The following DUSP7 variants were observed in gnomAD, a reference collection of about 807,000 sequenced individuals.
The protein encoded by DUSP7 is dual specificity protein phosphatase 7.
A neutral mutation model predicts 29.8 loss-of-function variants in DUSP7; 7 were observed. That is an observed-to-expected ratio of 0.24 (90% CI 0.13 to 0.44). The LOEUF (loss-of-function observed/expected upper bound fraction) is 0.44, where lower values mean the gene tolerates loss of function less well. Ranked by LOEUF, DUSP7 falls within the 20% of genes least tolerant of loss-of-function variation. The probability of loss-of-function intolerance (pLI) is 1.00; values close to 1 mark genes in which losing one functional copy is unlikely to be tolerated. For missense variants in DUSP7, 400 were observed against 583.7 expected (o/e 0.69, Z 3.24); for synonymous variants, 287 against 275.4 (o/e 1.04, Z -0.42).
chr3:52,050,803 G>T lies in DUSP7; in HGVS notation c.*12C>A, dbSNP rs751319030. The T allele has an allele frequency of 6.2e-7, 1 of 1,603,708 alleles. No individual in the cohort carries two copies. Among genetic ancestry groups the T allele is most frequent in the East Asian group, 2.2e-5 (1 of 44,642 alleles). On this transcript the variant is annotated 3_prime_UTR_variant, in exon 3 of 3. Coordinates refer to ENST00000495880, the MANE Select transcript of DUSP7 (RefSeq NM_001947.4). The surrounding 1 kb of genome is among the most constrained non-coding windows in gnomAD (Gnocchi z 5.0). ...GCAGGGGCCTGGTGCCATGCCCCCCGTGCACCAGGCCTCACGTGGACTCCA... is the reference window on the plus strand; with the variant it reads ...GCAGGGGCCTGGTGCCATGCCCCCCTTGCACCAGGCCTCACGTGGACTCCA...
Position 52,053,730 on chromosome 3 carries a change from G to GA in DUSP7, c.952+209dup. 3 of 595,500 alleles carry GA rather than the reference G, an allele frequency of 5.0e-6. No individual in the cohort carries two copies. The highest frequency in any genetic ancestry group is 8.9e-6 in the Non-Finnish European group (3 of 336,764). 36.9% of individuals were successfully genotyped at this position (595,500 alleles called of 1,614,324 possible). A position where few individuals can be genotyped will look rare whatever the true frequency, so the allele number is the denominator to read the frequency against. On this transcript the variant is annotated intron_variant, in intron 2 of 2. Transcript: ENST00000495880. This position sits in a 1 kb window ranked among gnomAD's most constrained non-coding sequence, Gnocchi z 4.6. ...CAGCTAGGGGGAGCTCAGGACTCAG[G>GA]AGACTGCTCAGGCCCCAACAGGTAG...
rs1263922901 is a variant in DUSP7 at position 52,056,457 on chromosome 3, C to T, written c.-91G>A. ...CGGGCCCCAGCCGCGTCTCCGGGCG[C>T]CCGCCTCCCGCCGAGCTGCGCGCCC... On this transcript the variant is annotated 5_prime_UTR_variant, in exon 1 of 3. Coordinates refer to ENST00000495880, the MANE Select transcript of DUSP7 (RefSeq NM_001947.4). This position sits in a 1 kb window ranked among gnomAD's most constrained non-coding sequence, Gnocchi z 6.4. The T allele has an allele frequency of 7.6e-6, 5 of 656,814 alleles. No homozygotes were observed. The highest frequency in any genetic ancestry group is 9.4e-6 in the Non-Finnish European group (5 of 532,728). The allele number at this position is 656,814 out of a possible 1,614,324, so 40.7% of individuals were successfully genotyped here. A position where few individuals can be genotyped will look rare whatever the true frequency, so the allele number is the denominator to read the frequency against.
Position 52,056,374 on chromosome 3 carries a change from G to A in DUSP7, c.-8C>T. ...GCGGAGCTGGTTTTTCATGGGGAGC[G>A]CGGGCGGCCCGGGGCCGGGGCCGGG... is the stretch of plus-strand genomic sequence containing the variant. On this transcript the variant is annotated 5_prime_UTR_variant, in exon 1 of 3. Coordinates refer to ENST00000495880, the MANE Select transcript of DUSP7 (RefSeq NM_001947.4). The surrounding 1 kb of genome is among the most constrained non-coding windows in gnomAD (Gnocchi z 6.4). The A allele has an allele frequency of 1.8e-6, 2 of 1,098,884 alleles. No individual in the cohort carries two copies. Among genetic ancestry groups the A allele is most frequent in the Non-Finnish European group, 2.2e-6 (2 of 904,982 alleles). 68.1% of individuals were successfully genotyped at this position (1,098,884 alleles called of 1,614,324 possible). A position where few individuals can be genotyped will look rare whatever the true frequency, so the allele number is the denominator to read the frequency against.
Position 52,056,288 on chromosome 3 carries a change from C to G in DUSP7, c.79G>C (p.Ala27Pro). 8.2e-7 allele frequency: 1 copy of G among 1,218,598 alleles called. No individual in the cohort carries two copies. The highest frequency in any genetic ancestry group is 1.0e-6 in the Non-Finnish European group (1 of 981,546). 75.5% of individuals were successfully genotyped at this position (1,218,598 alleles called of 1,614,324 possible). ...GACCCCGCACCGGGCTCGGACCCCGCCCGGGTGCCCCCAGCCGCCGCCGCC... is the reference window on the plus strand; with the variant it reads ...GACCCCGCACCGGGCTCGGACCCCGGCCGGGTGCCCCCAGCCGCCGCCGCC... ...SGAAAAGGTR[A>P]GSEPGAGSGS... Residue 27 changes from alanine to proline, a missense_variant, in exon 1 of 3, where the codon GCG becomes CCG. Physicochemically the swap from Ala to Pro is conservative, Grantham distance 27. This residue lies in a region of DUSP7 where 96 missense variants were observed against 97.1 expected (regional missense o/e 0.99). Coordinates refer to ENST00000495880, the MANE Select transcript of DUSP7 (RefSeq NM_001947.4). This position sits in a 1 kb window ranked among gnomAD's most constrained non-coding sequence, Gnocchi z 6.4.
In DUSP7 at chr3:52,054,625, A is replaced by G. The variant is rs1340152660; in HGVS notation, c.518-251T>C. On this transcript the variant is annotated intron_variant, in intron 1 of 2. Coordinates refer to ENST00000495880, the MANE Select transcript of DUSP7 (RefSeq NM_001947.4). The surrounding 1 kb of genome is among the most constrained non-coding windows in gnomAD (Gnocchi z 4.1). ...GTGCCTGGACTCCAAACTGGTACCCATAACACTTCGGGGCCCCCAGCCATG... is the reference window on the plus strand; with the variant it reads ...GTGCCTGGACTCCAAACTGGTACCCGTAACACTTCGGGGCCCCCAGCCATG... 6.6e-6 allele frequency among the ~76,000 whole-genome samples: 1 copy of G among 152,214 alleles called. No individual in the cohort carries two copies. The highest frequency in any genetic ancestry group is 1.5e-5 in the Non-Finnish European group (1 of 68,042).
At chr3:52,052,645 G>A (rs1314554977) in intron 2 of DUSP7, 2 of 152,364 alleles carry the variant, frequency 1.3e-5, no homozygotes, top group Non-Finnish European at 2.9e-5. Flanking sequence ...GGTGTAGCTG[G>A]TGACTGATCC....
Position 52,050,641 on chromosome 3 carries a change from G to A in DUSP7, c.*174C>T, listed in dbSNP as rs1456182982. 9 of 761,596 alleles carry A rather than the reference G, an allele frequency of 1.2e-5. No homozygotes were observed. The highest frequency in any genetic ancestry group is 2.0e-5 in the South Asian group (1 of 49,664). The allele number at this position is 761,596 out of a possible 1,614,324, so 47.2% of individuals were successfully genotyped here. On this transcript the variant is annotated 3_prime_UTR_variant, in exon 3 of 3. Coordinates refer to ENST00000495880, the MANE Select transcript of DUSP7 (RefSeq NM_001947.4). This position sits in a 1 kb window ranked among gnomAD's most constrained non-coding sequence, Gnocchi z 5.0. ...CCCTGCAGTGGGAGACCTTGCCTGC[G>A]GGCCCTGCCCCCAAGGATGGTGAGG...
chr3:52,053,698 G>A lies in DUSP7; in HGVS notation c.952+242C>T, dbSNP rs1367511735. On this transcript the variant is annotated intron_variant, in intron 2 of 2. Coordinates refer to ENST00000495880, the MANE Select transcript of DUSP7 (RefSeq NM_001947.4). This position sits in a 1 kb window ranked among gnomAD's most constrained non-coding sequence, Gnocchi z 4.6. ...AGCTGGACAGCAGAGAGCCCATGAC[G>A]TGCTGTCAGCTAGGGGGAGCTCAGG... 6 of 561,234 alleles carry A rather than the reference G, an allele frequency of 1.1e-5. No homozygotes were observed. Among genetic ancestry groups the A allele is most frequent in the South Asian group, 6.2e-5 (3 of 48,206 alleles). The allele number at this position is 561,234 out of a possible 1,614,324, so 34.8% of individuals were successfully genotyped here. A position where few individuals can be genotyped will look rare whatever the true frequency, so the allele number is the denominator to read the frequency against.
chr3:52,055,791 G>A, intron 1 of DUSP7, 59 bp downstream of exon 1: 1 of 1,468,378 alleles, frequency 6.8e-7, no homozygotes. Flanking sequence ...CTCCAAGGGG[G>A]GCGTCAGGGA....
Position 52,054,360 on chromosome 3 carries a change from A to G in DUSP7, c.532T>C (p.Phe178Leu). 2 of 1,525,762 alleles carry G rather than the reference A, an allele frequency of 1.3e-6. No homozygotes were observed. Among genetic ancestry groups the G allele is most frequent in the Non-Finnish European group, 1.8e-6 (2 of 1,136,812 alleles). 94.5% of individuals were successfully genotyped at this position (1,525,762 alleles called of 1,614,324 possible). Residue 178 changes from phenylalanine (F) to leucine (L), a missense_variant, in exon 2 of 3, where the codon TTT becomes CTT. Coordinates refer to ENST00000495880, the MANE Select transcript of DUSP7 (RefSeq NM_001947.4). This position sits in a 1 kb window ranked among gnomAD's most constrained non-coding sequence, Gnocchi z 4.1. ...CAGTGCTCAGAGTACTCTGTTTGAAACTTGTTGAAACCACCTGTGTCCAGG... is the reference window on the plus strand; with the variant it reads ...CAGTGCTCAGAGTACTCTGTTTGAAGCTTGTTGAAACCACCTGTGTCCAGG... ...AYYLQGGFNK[F>L]QTEYSEHCET...
Position 52,054,439 on chromosome 3 carries a change from AC to A in DUSP7, c.518-66del. On this transcript the variant is annotated intron_variant, in intron 1 of 2. Transcript: ENST00000495880. The surrounding 1 kb of genome is among the most constrained non-coding windows in gnomAD (Gnocchi z 4.1). ...TGAGAGCCCAGATGGGCTGCACAAG[AC>A]CAGAGATGGCCAGGACTCTGCACGC... The A allele has an allele frequency of 7.2e-7, 1 of 1,394,540 alleles. No homozygotes were observed. Among genetic ancestry groups the A allele is most frequent in the Non-Finnish European group, 9.7e-7 (1 of 1,031,168 alleles). The allele number at this position is 1,394,540 out of a possible 1,614,324, so 86.4% of individuals were successfully genotyped here. A position where few individuals can be genotyped will look rare whatever the true frequency, so the allele number is the denominator to read the frequency against.
Position 52,051,265 on chromosome 3 carries a change from T to G in DUSP7, c.953-143A>C. 1.1e-6 allele frequency: 1 copy of G among 902,046 alleles called. No homozygotes were observed. Among genetic ancestry groups the G allele is most frequent in the Non-Finnish European group, 1.6e-6 (1 of 608,830 alleles). The allele number at this position is 902,046 out of a possible 1,614,324, so 55.9% of individuals were successfully genotyped here. A position where few individuals can be genotyped will look rare whatever the true frequency, so the allele number is the denominator to read the frequency against. ...CCCTGAGGGACCTGGCCAAGCCCAG[T>G]GTGGGTAGGGCAGCAACTTGGAATA... On this transcript the variant is annotated intron_variant, in intron 2 of 2. Transcript: ENST00000495880. This position sits in a 1 kb window ranked among gnomAD's most constrained non-coding sequence, Gnocchi z 4.8.
intron 1 of DUSP7, 140 bp downstream of exon 1, chr3:52,055,710 G>A: frequency 9.3e-7 from 1 of 1,077,942 alleles, no homozygotes; most frequent in Non-Finnish European, 1.3e-6. Flanking sequence ...CCCGGCTCCA[G>A]GAGGGCGGAT....
rs548366361 is a variant in DUSP7 at position 52,050,838 on chromosome 3, G to C, written c.1237C>G (p.Leu413Val). The C allele has an allele frequency of 1.2e-6, 2 of 1,613,506 alleles. No homozygotes were observed. The highest frequency in any genetic ancestry group is 2.2e-5 in the East Asian group (1 of 44,876). Reference sequence around the variant, plus strand: ...CCTCACGTGGACTCCAGCGTATTGAGTGGGAACAGGTTGTGGTTGGTGGGC... The same window carrying C: ...CCTCACGTGGACTCCAGCGTATTGACTGGGAACAGGTTGTGGTTGGTGGGC... ...STPTNHNLFP[L>V]NTLEST Residue 413 changes from leucine to valine, a missense_variant, in exon 3 of 3, where the codon CTC becomes GTC. Transcript: ENST00000495880. The surrounding 1 kb of genome is among the most constrained non-coding windows in gnomAD (Gnocchi z 5.0).
chr3:52,050,927 C>A lies in DUSP7; in HGVS notation c.1148G>T (p.Arg383Leu). 1 of 1,614,240 alleles carries A rather than the reference C, an allele frequency of 6.2e-7. No homozygotes were observed. The highest frequency in any genetic ancestry group is 8.5e-7 in the Non-Finnish European group (1 of 1,180,054). The part of the protein sequence containing the change: ...NFMGQLLDFE[R>L]TLGLSSPCDN... Reference sequence around the variant, plus strand: ...GCACGGGCTGCTTAGCCCCAGCGTCCGCTCAAAGTCCAGCAGCTGCCCCAT... The same window carrying A: ...GCACGGGCTGCTTAGCCCCAGCGTCAGCTCAAAGTCCAGCAGCTGCCCCAT... The change falls in exon 3 of 3, where the codon CGG becomes CTG. Residue 383 changes from arginine (R) to leucine (L), a missense_variant. By Grantham distance (102) the Arg-to-Leu change is moderately radical. This residue lies in a region of DUSP7 where 75 missense variants were observed against 95.0 expected (regional missense o/e 0.79). Coordinates refer to ENST00000495880, the MANE Select transcript of DUSP7 (RefSeq NM_001947.4). The surrounding 1 kb of genome is among the most constrained non-coding windows in gnomAD (Gnocchi z 5.0).
rs1701815633 is a variant in DUSP7 at position 52,048,935 on chromosome 3, A to G, written c.*1880T>C. On this transcript the variant is annotated 3_prime_UTR_variant, in exon 3 of 3. Coordinates refer to ENST00000495880, the MANE Select transcript of DUSP7 (RefSeq NM_001947.4). ...CACGACTCATTTTAAAGAAAAAATA[A>G]TATTTATTTGCAATATAAACAAAGT... 6.6e-6 allele frequency: 1 copy of G among 152,178 alleles called. No individual in the cohort carries two copies. The highest frequency in any genetic ancestry group is 1.5e-5 in the Non-Finnish European group (1 of 68,038). The allele number at this position is 152,178 out of a possible 1,614,324, so 9.4% of individuals were successfully genotyped here.
Position 52,054,297 on chromosome 3 carries a change from A to G in DUSP7, c.595T>C (p.Ser199Pro). 6.3e-7 allele frequency: 1 copy of G among 1,592,326 alleles called. No individual in the cohort carries two copies. The highest frequency in any genetic ancestry group is 8.6e-7 in the Non-Finnish European group (1 of 1,167,912). Residue 199 changes from serine to proline, a missense_variant, in exon 2 of 3, where the codon TCG (serine) becomes CCG (proline). Ser to Pro is a moderately conservative substitution (Grantham distance 74, BLOSUM62 -1). Around this residue, in one of 4 missense-constraint regions of DUSP7, gnomAD observed 223 missense variants for 360.9 expected, o/e 0.62. Coordinates refer to ENST00000495880, the MANE Select transcript of DUSP7 (RefSeq NM_001947.4). This position sits in a 1 kb window ranked among gnomAD's most constrained non-coding sequence, Gnocchi z 4.1. ...NVDSSSSPSS[S>P]PPTSVLGLGG... The stretch of plus-strand genomic sequence containing the variant: ...AGGCCCAGCACTGAGGTGGGTGGCG[A>G]GCTGCTCGGCGAGGAAGAGCTGTCC...
In DUSP7 at chr3:52,053,992, G is replaced by A. The variant is rs749530913; in HGVS notation, c.900C>T (p.Asp300=). The change falls in exon 2 of 3, where the codon GAC becomes GAT. Residue 300 remains aspartate (D), a synonymous_variant. Transcript: ENST00000495880. The surrounding 1 kb of genome is among the most constrained non-coding windows in gnomAD (Gnocchi z 4.6). ...ACTGGGAGAGGTTCTGGCTCCAGTG[G>A]TCAGAGATGGGGATCTGCTTGTAGG... is the stretch of plus-strand genomic sequence containing the variant. ...EFTYKQIPIS[D]HWSQNLSQFF... The A allele has an allele frequency of 6.2e-7, 1 of 1,614,238 alleles. No individual in the cohort carries two copies. The highest frequency in any genetic ancestry group is 1.7e-5 in the Admixed American group (1 of 60,036).
At position 52,056,408 on chromosome 3, in the gene DUSP7, C is replaced by A; in HGVS notation, c.-42G>T. The stretch of plus-strand genomic sequence containing the variant: ...CCGGGGCCGGGGCCGGGCAGCCCTG[C>A]CCTGGGACGGCGCCCCGGCCGCGCG... On this transcript the variant is annotated 5_prime_UTR_variant, in exon 1 of 3. Coordinates refer to ENST00000495880, the MANE Select transcript of DUSP7 (RefSeq NM_001947.4). This position sits in a 1 kb window ranked among gnomAD's most constrained non-coding sequence, Gnocchi z 6.4. The A allele has an allele frequency of 1.0e-6, 1 of 986,824 alleles. No individual in the cohort carries two copies. The highest frequency in any genetic ancestry group is 1.2e-6 in the Non-Finnish European group (1 of 827,562). 61.1% of individuals were successfully genotyped at this position (986,824 alleles called of 1,614,324 possible). A position where few individuals can be genotyped will look rare whatever the true frequency, so the allele number is the denominator to read the frequency against.
Sources: allele counts gnomAD v4.1 joint callset (sites outside exome capture counted in the v4.1 genomes callset), GRCh38; gene constraint gnomAD v4.1.1; regional missense constraint gnomAD v4.1.1; non-coding constraint Gnocchi (gnomAD v3.1); transcripts MANE v1.5; gene names NCBI Gene and HGNC (gene_info 2026-07-23, HGNC 2026-07-21).